ATP1B3: variants seen among roughly 807,000 people sequenced by gnomAD.
The protein encoded by ATP1B3 is sodium/potassium-transporting ATPase subunit beta-3.
In ATP1B3, 10 loss-of-function variants were observed where a neutral mutation model predicts 30.2. The ratio of observed to expected loss-of-function variants is 0.33; its 90% CI spans 0.20 to 0.56. The LOEUF (loss-of-function observed/expected upper bound fraction) is 0.56. Ranked by LOEUF, ATP1B3 falls within the 20% of genes least tolerant of loss-of-function variation. The pLI, the probability that ATP1B3 is intolerant of heterozygous loss-of-function variation, is 0.90. For missense variants in ATP1B3, 238 were observed against 336.7 expected (o/e 0.71, Z 2.29); for synonymous variants, 113 against 117.0 (o/e 0.97, Z 0.22).
chr3:141,893,287 A>C (rs1017686913), intron 1 of ATP1B3, among the ~76,000 whole-genome samples: 2 of 152,064 alleles, frequency 1.3e-5, no homozygotes, highest in Non-Finnish European at 2.9e-5. Flanking sequence ...AAGATTACAG[A>C]CGTGAGCCAC....
At chr3:141,885,924 CCCCTGTAGT>C (rs1933824401) in intron 1 of ATP1B3, among the ~76,000 whole-genome samples, 1 of 149,116 alleles carries the variant, frequency 6.7e-6, no homozygotes, top group African/African-American at 2.5e-5. Context: ...CACACACACA[CCCCTGTAGT>C]GTTGTTGACC....
Position 141,907,199 on chromosome 3 carries a change from T to C in ATP1B3, c.271T>C (p.Leu91=), listed in dbSNP as rs778948900. ...GGTTTTTCCAAAACCAGTGACCGCA[T>C]TGGAATATACATTCAGTAGGTCTGA... is the stretch of plus-strand genomic sequence containing the variant. ...LMVFPKPVTA[L]EYTFSRSDPT... is the part of the protein sequence containing the mutation. Residue 91 remains leucine, a synonymous_variant, in exon 3 of 7, where the codon TTG becomes CTG. Coordinates refer to ENST00000286371, the MANE Select transcript of ATP1B3 (RefSeq NM_001679.4). 4 of 1,611,234 alleles carry C rather than the reference T, an allele frequency of 2.5e-6. No homozygotes were observed. In the South Asian group the frequency reaches 4.4e-5, roughly 18 times the overall value.
rs1934643492 is a variant in ATP1B3, at chr3:141,925,570, T to C, written c.709T>C (p.Phe237Leu). The C allele has an allele frequency of 6.2e-7, 1 of 1,613,630 alleles. No individual in the cohort carries two copies. The highest frequency in any genetic ancestry group is 1.7e-5 in the Admixed American group (1 of 59,940). ...LQPLVAVQVS[F>L]APNNTGKEVT... ...GCCATTGGTTGCTGTTCAGGTCAGC[T>C]TTGCTCCTAACAACACTGGGAAAGA... is the stretch of plus-strand genomic sequence containing the variant. The change falls in exon 7 of 7, where the codon TTT becomes CTT. Residue 237 changes from phenylalanine to leucine, a missense_variant. This residue lies in a region of ATP1B3 where 50 missense variants were observed against 62.3 expected (regional missense o/e 0.80). Transcript: ENST00000286371.
intron 1 of ATP1B3, among the ~76,000 whole-genome samples, chr3:141,891,678 A>G (rs926619656): frequency 6.6e-6 from 1 of 152,122 alleles, no homozygotes; most frequent in Non-Finnish European, 1.5e-5. Flanking sequence ...GTCTTGAGCT[A>G]AAAATCTGGC....
chr3:141,911,072 T>C (rs1934351265), intron 3 of ATP1B3, among the ~76,000 whole-genome samples: 1 of 152,112 alleles, frequency 6.6e-6, no homozygotes, highest in Non-Finnish European at 1.5e-5. Context: ...CTAAAGTATT[T>C]TGCTGAGACT....
In ATP1B3 at chr3:141,876,681, C is replaced by T. The variant is rs1483090569; in HGVS notation, c.-121C>T. 9.1e-6 allele frequency: 6 copies of T among 659,668 alleles called. No individual in the cohort carries two copies. Among genetic ancestry groups the T allele is most frequent in the East Asian group, 7.1e-5 (2 of 28,180 alleles). 40.9% of individuals were successfully genotyped at this position (659,668 alleles called of 1,614,324 possible). On this transcript the variant is annotated 5_prime_UTR_variant, in exon 1 of 7. Coordinates refer to ENST00000286371, the MANE Select transcript of ATP1B3 (RefSeq NM_001679.4). ...ACTCCCCGTAACGAGGAGGTGTTCT[C>T]GGCCGTCCCACCCTTCACTGCCGTC... is the stretch of plus-strand genomic sequence containing the variant.
rs1933600396 is a variant in ATP1B3, at chr3:141,876,778, C to T, written c.-24C>T. 1.9e-6 allele frequency: 3 copies of T among 1,579,728 alleles called. No individual in the cohort carries two copies. Among genetic ancestry groups the T allele is most frequent in the African/African-American group, 1.4e-5 (1 of 71,998 alleles). On this transcript the variant is annotated 5_prime_UTR_variant, in exon 1 of 7. Transcript: ENST00000286371. The stretch of plus-strand genomic sequence containing the variant: ...CGCCTCCATCCCCGCGGCCGCAGCT[C>T]CTCTCGCCGTCCGCGCGCACACCAT...
chr3:141,879,160 T>A (rs145058350), intron 1 of ATP1B3, among the ~76,000 whole-genome samples: 10 of 152,346 alleles, frequency 6.6e-5, no homozygotes, highest in African/African-American at 2.2e-4. Context: ...ACATTTTTTT[T>A]AAAACAAAAG....
In ATP1B3 at chr3:141,882,803, C is replaced by G. The variant is rs771814106; in HGVS notation, c.109+5893C>G. 3.3e-5 allele frequency among the ~76,000 whole-genome samples: 5 copies of G among 152,154 alleles called. No homozygotes were observed. In the East Asian group the frequency reaches 9.6e-4, roughly 29 times the overall value. On this transcript the variant is annotated intron_variant, in intron 1 of 6. Transcript: ENST00000286371. ...TTTTTTCCATGTTGGTCAGGCTGATCTCAAACTCCTGACCTCAGGTGATCC... is the reference window on the plus strand; with the variant it reads ...TTTTTTCCATGTTGGTCAGGCTGATGTCAAACTCCTGACCTCAGGTGATCC...
chr3:141,902,172 A>G (rs1559869402), intron 1 of ATP1B3: 1 of 1,289,788 alleles, frequency 7.8e-7, no homozygotes, highest in African/African-American at 1.5e-5. Flanking sequence ...TGCTGTCTGA[A>G]GGTGACATCC....
chr3:141,884,651 A>G (rs1933796247), intron 1 of ATP1B3, among the ~76,000 whole-genome samples: 3 of 152,206 alleles, frequency 2.0e-5, no homozygotes, highest in African/African-American at 7.2e-5. Flanking sequence ...GAAAAACGTG[A>G]AAAGGAGAGA....
chr3:141,881,207 A>C (rs911360648), intron 1 of ATP1B3, among the ~76,000 whole-genome samples: 1 of 151,008 alleles, frequency 6.6e-6, no homozygotes, highest in Non-Finnish European at 1.5e-5. Context: ...CCACCTCCAA[A>C]AAAAAAAAAA....
intron 3 of ATP1B3, 105 bp downstream of exon 3, chr3:141,907,379 G>A: frequency 1.2e-6 from 1 of 829,356 alleles, no homozygotes; most frequent in South Asian, 2.1e-5. Flanking sequence ...CAGCACTTTG[G>A]GAGGCCGAAG....
intron 1 of ATP1B3, 144 bp downstream of exon 1, chr3:141,877,054 A>C: frequency 2.2e-6 from 1 of 463,288 alleles, no homozygotes; most frequent in Non-Finnish European, 3.5e-6. Flanking sequence ...GCGGCGGCGC[A>C]GTGCGGCCCC....
intron 1 of ATP1B3, among the ~76,000 whole-genome samples, chr3:141,897,588 A>C (rs1045261998): frequency 6.6e-6 from 1 of 152,204 alleles, no homozygotes; most frequent in Admixed American, 6.5e-5. Flanking sequence ...AGGTTATTTA[A>C]TCTTGTTTAA....
intron 1 of ATP1B3, among the ~76,000 whole-genome samples, chr3:141,888,964 A>G (rs759291139): frequency 6.6e-6 from 1 of 152,098 alleles, no homozygotes; most frequent in Non-Finnish European, 1.5e-5. Context: ...ATGAGAAGAG[A>G]CTAATACACT....
intron 1 of ATP1B3, among the ~76,000 whole-genome samples, chr3:141,886,807 C>T (rs778135023): frequency 2.6e-5 from 4 of 152,068 alleles, no homozygotes; most frequent in Admixed American, 6.6e-5. Flanking sequence ...ATACCAGCCT[C>T]GATGACATAA....
At chr3:141,897,967 C>T (rs1346204974) in intron 1 of ATP1B3, among the ~76,000 whole-genome samples, 1 of 152,180 alleles carries the variant, frequency 6.6e-6, no homozygotes, top group Non-Finnish European at 1.5e-5. Flanking sequence ...GCCTCGGCCT[C>T]TCAAAGTGCT....
chr3:141,911,320 T>C (rs954764141), intron 3 of ATP1B3, among the ~76,000 whole-genome samples: 1 of 152,158 alleles, frequency 6.6e-6, no homozygotes, highest in Non-Finnish European at 1.5e-5. Flanking sequence ...TCGACTGCTG[T>C]CAATCCTTAT....
Sources: gnomAD v4.1 joint callset for allele counts (sites outside exome capture counted in the v4.1 genomes callset) on GRCh38, gnomAD v4.1.1 for gene constraint, gnomAD v4.1.1 regional missense constraint, MANE v1.5 for transcripts, NCBI Gene and HGNC (gene_info 2026-07-23, HGNC 2026-07-21) for gene names.